The following ADIPOR2 variants were observed in gnomAD, a reference collection of about 807,000 sequenced individuals.
ADIPOR2 encodes the protein adiponectin receptor protein 2.
In ADIPOR2, 18 loss-of-function variants were observed where a neutral mutation model predicts 40.9. The observed-to-expected ratio is 0.44, with a 90% CI of 0.30 to 0.65. The LOEUF is 0.65. Among genes scored for constraint, ADIPOR2 ranks in the 30% least tolerant of loss-of-function variants. ADIPOR2 has a pLI of 0.09. For missense variants in ADIPOR2, 283 were observed against 479.2 expected, an observed-to-expected ratio of 0.59 and a Z score of 3.82; for synonymous variants, 165 against 166.4, an observed-to-expected ratio of 0.99 and a Z score of 0.06.
chr12:1,705,650 T>A (rs1052322083), intron 1 of ADIPOR2, among the ~76,000 whole-genome samples: 1 of 152,214 alleles, frequency 6.6e-6, no homozygotes, highest in African/African-American at 2.4e-5. Context: ...AAAACACTTC[T>A]GGGTACTAAT....
At chr12:1,768,595 C>T (rs1018479870) in intron 2 of ADIPOR2, among the ~76,000 whole-genome samples, 3 of 152,062 alleles carry the variant, frequency 2.0e-5, no homozygotes, top group Admixed American at 6.6e-5. Flanking sequence ...TTGAGTTAGG[C>T]CAAAACCAAT....
chr12:1,740,263 G>A (rs894902803), intron 1 of ADIPOR2, among the ~76,000 whole-genome samples: 5 of 152,116 alleles, frequency 3.3e-5, no homozygotes, highest in African/African-American at 7.2e-5. Flanking sequence ...GATTTGCTAG[G>A]CCTGCCATAA....
chr12:1,737,545 T>C (rs1426710237), intron 1 of ADIPOR2, among the ~76,000 whole-genome samples: 1 of 151,976 alleles, frequency 6.6e-6, no homozygotes, highest in Admixed American at 6.6e-5. Context: ...CACCAGTGAG[T>C]TGTTTGCTAA....
intron 1 of ADIPOR2, among the ~76,000 whole-genome samples, chr12:1,739,630 G>A (rs1482430923): frequency 6.6e-6 from 1 of 152,214 alleles, no homozygotes; most frequent in Non-Finnish European, 1.5e-5. Flanking sequence ...TGCTGCACTA[G>A]CTGAGTTGAG....
intron 2 of ADIPOR2, chr12:1,758,020 TAGGC>T: frequency 1.2e-6 from 1 of 800,502 alleles, no homozygotes; most frequent in Non-Finnish European, 2.2e-6. Flanking sequence ...ATGGCTGCGT[TAGGC>T]AGGGAAAGCA....
chr12:1,702,672 T>C (rs996446949), intron 1 of ADIPOR2, among the ~76,000 whole-genome samples: 2 of 152,254 alleles, frequency 1.3e-5, no homozygotes, highest in Non-Finnish European at 2.9e-5. Context: ...GTTCATTACA[T>C]ACTTCGATTA....
At chr12:1,709,126 G>A (rs547870728) in intron 1 of ADIPOR2, among the ~76,000 whole-genome samples, 1 of 152,216 alleles carries the variant, frequency 6.6e-6, no homozygotes, top group Non-Finnish European at 1.5e-5. Context: ...TATTAATAGT[G>A]TCAGTTTCTA....
chr12:1,691,733 C>G (rs1165473793), intron 1 of ADIPOR2, among the ~76,000 whole-genome samples: 2 of 152,146 alleles, frequency 1.3e-5, no homozygotes, highest in African/African-American at 4.8e-5. Flanking sequence ...GTCCTGTTTT[C>G]CCAAGCCCCC....
chr12:1,757,206 T>TCTAA (rs1235815716), intron 2 of ADIPOR2: 1 of 451,548 alleles, frequency 2.2e-6, no homozygotes, highest in African/African-American at 2.0e-5. Flanking sequence ...CGTACAAAGA[T>TCTAA]CTAACATGTC....
At chr12:1,760,587 T>G (rs1862244656) in intron 2 of ADIPOR2, 1 of 152,250 alleles carries the variant, frequency 6.6e-6, no homozygotes, top group African/African-American at 2.4e-5. Context: ...TGTGGTGTTT[T>G]GTATCTAGCT....
At position 1,754,460 on chromosome 12, in the gene ADIPOR2, A is replaced by G. The variant is rs771957916; in HGVS notation, c.117A>G (p.Gln39=). 15 of 1,613,404 alleles carry G rather than the reference A, an allele frequency of 9.3e-6. No homozygotes were observed. In the South Asian group the frequency reaches 1.2e-4, roughly 13 times the overall value. The change falls in exon 2 of 8, where the codon CAA becomes CAG. Residue 39 remains glutamine, a synonymous_variant. Coordinates refer to ENST00000357103, the MANE Select transcript of ADIPOR2 (RefSeq NM_024551.3). ...GAAGAGGTGATAATGACAGCCACCA[A>G]GGAGATTTGGAGCCCATTTTAGAGG... The part of the protein sequence containing the change: ...GTRRGDNDSH[Q]GDLEPILEAS...
At chr12:1,743,094 T>A (rs2094746398) in intron 1 of ADIPOR2, among the ~76,000 whole-genome samples, 1 of 151,724 alleles carries the variant, frequency 6.6e-6, no homozygotes, top group African/African-American at 2.4e-5. Flanking sequence ...GTGTAAGAAA[T>A]TTTATGAGTC....
intron 2 of ADIPOR2, among the ~76,000 whole-genome samples, chr12:1,763,704 C>T (rs1862315470): frequency 6.6e-6 from 1 of 152,140 alleles, no homozygotes; most frequent in African/African-American, 2.4e-5. Context: ...ATGGCTGGAC[C>T]TGGTGGCTCA....
intron 1 of ADIPOR2, among the ~76,000 whole-genome samples, chr12:1,729,614 GTTGTTTTTTTTTTT>G (rs1380164540): frequency 4.7e-5 from 3 of 64,222 alleles, no homozygotes; most frequent in African/African-American, 2.3e-4. Context: ...AGCTCAGCCA[GTTGTTTTTTTTTTT>G]TTTTTTTTTT....
intron 1 of ADIPOR2, among the ~76,000 whole-genome samples, chr12:1,715,778 GCCAGTCAGCGCTCTGTAAAAATGCA>G (rs1592582571): frequency 6.6e-6 from 1 of 152,134 alleles, no homozygotes; most frequent in African/African-American, 2.4e-5. Flanking sequence ...TGTAAAATGC[GCCAGTCAGCGCTCTGTAAAAATGCA>G]CCAGTCAGTG....
In ADIPOR2 at chr12:1,691,124, TCCCTCCTCCGTTCCC is replaced by T. The variant is rs1371834595; in HGVS notation, c.-144_-130del. ...GGCGGCTACACCGGGCTTGGCCCCC[TCCCTCCTCCGTTCCC>T]CCCTCCTCCCCCCTCCCCTCAGCGG... is the stretch of plus-strand genomic sequence containing the variant. On this transcript the variant is annotated 5_prime_UTR_variant, in exon 1 of 8. Transcript: ENST00000357103. 1 of 156,436 alleles carries T rather than the reference TCCCTCCTCCGTTCCC, an allele frequency of 6.4e-6. No homozygotes were observed. Among genetic ancestry groups the T allele is most frequent in the Admixed American group, 6.6e-5 (1 of 15,184 alleles). The allele number at this position is 156,436 out of a possible 1,614,324, so 9.7% of individuals were successfully genotyped here.
At chr12:1,703,706 A>C (rs923179228) in intron 1 of ADIPOR2, among the ~76,000 whole-genome samples, 8 of 151,708 alleles carry the variant, frequency 5.3e-5, no homozygotes, top group Non-Finnish European at 8.8e-5. Flanking sequence ...GACAGAGTGA[A>C]ACTCTGTCTC....
At chr12:1,778,078 T>C (rs1862636615) in intron 4 of ADIPOR2, 53 bp downstream of exon 4, 2 of 1,548,310 alleles carry the variant, frequency 1.3e-6, no homozygotes, top group African/African-American at 2.7e-5. Flanking sequence ...TTCCTTTTTA[T>C]TTTCATGTAT....
At position 1,700,878 on chromosome 12, in the gene ADIPOR2, C is replaced by T. The variant is rs2094648749; in HGVS notation, c.-87+9687C>T. Reference sequence around the variant, plus strand: ...TTTTAGGGGTTGATTTGAATTTAGGCTGCAGATGTATGTTTTATTTGGCCA... The same window carrying T: ...TTTTAGGGGTTGATTTGAATTTAGGTTGCAGATGTATGTTTTATTTGGCCA... On this transcript the variant is annotated intron_variant, in intron 1 of 7. Coordinates refer to ENST00000357103, the MANE Select transcript of ADIPOR2 (RefSeq NM_024551.3). Among the ~76,000 whole-genome samples the T allele has an allele frequency of 2.0e-5, 3 of 150,980 alleles. No individual in the cohort carries two copies. The South Asian group carries it at 6.2e-4, about 31-fold the overall frequency.
Sources: gnomAD v4.1 joint callset for allele counts (sites outside exome capture counted in the v4.1 genomes callset) on GRCh38, gnomAD v4.1.1 for gene constraint, MANE v1.5 for transcripts, NCBI Gene and HGNC (gene_info 2026-07-23, HGNC 2026-07-21) for gene names.